CALB1: variants seen among roughly 807,000 people sequenced by gnomAD.
CALB1 encodes calbindin 1.
In CALB1, 16 loss-of-function variants were observed where a neutral mutation model predicts 46.7. That is an observed-to-expected ratio of 0.34 (90% confidence interval 0.23 to 0.52). CALB1 has a LOEUF of 0.52. CALB1 is among the 20% of genes least tolerant of loss of function. CALB1 has a pLI of 0.95. For missense variants in CALB1, 224 were observed against 300.3 expected, an observed-to-expected ratio of 0.75 and a Z score of 1.88; for synonymous variants, 90 against 112.8, an observed-to-expected ratio of 0.80 and a Z score of 1.28.
In CALB1 at chr8:90,082,620, G is replaced by C. The variant is rs1366832647; in HGVS notation, c.78C>G (p.Asp26Glu). ...CAGTTAAAAAGAGAAGATAATCACC[G>C]TCAGCGTCGAAATGGAGCCAGATCT... is the stretch of plus-strand genomic sequence containing the variant. ...FFEIWLHFDA[D>E]GSGYLEGKEL... The change falls in exon 1 of 11, where the codon GAC becomes GAG. Residue 26 changes from aspartate (D) to glutamate (E), a missense_variant and splice_region_variant. By Grantham distance (45) the Asp-to-Glu change is conservative. Transcript: ENST00000265431. 1.9e-6 allele frequency: 3 copies of C among 1,612,566 alleles called. No individual in the cohort carries two copies. The highest frequency in any genetic ancestry group is 1.3e-5 in the African/African-American group (1 of 74,876).
chr8:90,076,016 T>A (rs1445045168), intron 3 of CALB1, among the ~76,000 whole-genome samples: 3 of 152,090 alleles, frequency 2.0e-5, no homozygotes, highest in Non-Finnish European at 4.4e-5. Flanking sequence ...AAATAAGGAA[T>A]GTTGGCTAGT....
chr8:90,081,386 C>T, intron 2 of CALB1: 7 of 510,428 alleles, frequency 1.4e-5, no homozygotes, highest in Non-Finnish European at 1.8e-5. Context: ...AATTCTTTCT[C>T]ACTGTTAGGT....
chr8:90,082,069 T>C lies in CALB1; in HGVS notation c.113A>G (p.Asn38Ser), dbSNP rs370156784. ...CGCCTGCTGGAGCTCCTGGATCAAG[T>C]TCTGCAGCTCCTTTCCTTCCAGGTA... ...SGYLEGKELQ[N>S]LIQELQQARK... The change falls in exon 2 of 11, where the codon AAC (asparagine) becomes AGC (serine). Residue 38 changes from asparagine (N) to serine (S), a missense_variant. Physicochemically the swap from Asn to Ser is conservative, Grantham distance 46. Transcript: ENST00000265431. 6 of 1,613,944 alleles carry C rather than the reference T, an allele frequency of 3.7e-6. No individual in the cohort carries two copies. In the African/African-American group the frequency reaches 8.0e-5, roughly 22 times the overall value.
intron 5 of CALB1, among the ~76,000 whole-genome samples, chr8:90,067,278 A>T (rs1415548767): frequency 6.6e-6 from 1 of 152,136 alleles, no homozygotes; most frequent in Non-Finnish European, 1.5e-5. Flanking sequence ...AAGATCCATT[A>T]AAAAAGAATG....
chr8:90,061,435 G>T (rs1814295251), intron 9 of CALB1: 1 of 152,130 alleles, frequency 6.6e-6, no homozygotes, highest in South Asian at 2.1e-4. Flanking sequence ...AAAGAGAGAA[G>T]TTAAATTATC....
rs1814246185 is a variant in CALB1 at position 90,058,904 on chromosome 8, T to G, written c.*1269A>C. Reference sequence around the variant, plus strand: ...ACTGTAAATTTCACATGGACACATCTCTCATAGCTCCCTGTTTCACAATCA... The same window carrying G: ...ACTGTAAATTTCACATGGACACATCGCTCATAGCTCCCTGTTTCACAATCA... On this transcript the variant is annotated 3_prime_UTR_variant, in exon 11 of 11. Coordinates refer to ENST00000265431, the MANE Select transcript of CALB1 (RefSeq NM_004929.4). 1 of 152,210 alleles carries G rather than the reference T, an allele frequency of 6.6e-6. No individual in the cohort carries two copies. The allele number at this position is 152,210 out of a possible 1,614,324, so 9.4% of individuals were successfully genotyped here. A position where few individuals can be genotyped will look rare whatever the true frequency, so the allele number is the denominator to read the frequency against.
intron 3 of CALB1, among the ~76,000 whole-genome samples, chr8:90,071,148 G>A (rs1814508065): frequency 6.6e-6 from 1 of 152,102 alleles, no homozygotes; most frequent in African/African-American, 2.4e-5. Context: ...TAATAGAGTG[G>A]TTTGGTTGCT....
At chr8:90,070,025 A>G (rs549253631) in intron 3 of CALB1, among the ~76,000 whole-genome samples, 3 of 149,768 alleles carry the variant, frequency 2.0e-5, no homozygotes, top group Non-Finnish European at 3.0e-5. Context: ...TTTTATGACT[A>G]ATCTATTGCG....
chr8:90,073,248 G>T (rs147090321), intron 3 of CALB1, among the ~76,000 whole-genome samples: 53 of 152,254 alleles, frequency 3.5e-4, no homozygotes, highest in Admixed American at 1.0e-3. Context: ...AGGGGTTGGG[G>T]TGGACATTGT....
intron 2 of CALB1, 88 bp from the exon 3 acceptor site, chr8:90,078,535 A>G (rs1814662370): frequency 2.7e-6 from 2 of 736,772 alleles, no homozygotes; most frequent in Non-Finnish European, 4.6e-6. Flanking sequence ...GCAAAGAAAA[A>G]CCAAAATTAG....
rs2130211019 is a variant in CALB1, at chr8:90,059,076, T to A, written c.*1097A>T. On this transcript the variant is annotated 3_prime_UTR_variant, in exon 11 of 11. Transcript: ENST00000265431. ...ATAAGATAAATGATTACATTAGCAT[T>A]TCTTTTCAGATGTTATTTTTTTAAA... 6.6e-6 allele frequency: 1 copy of A among 152,392 alleles called. No individual in the cohort carries two copies. The highest frequency in any genetic ancestry group is 1.9e-4 in the East Asian group (1 of 5,188). The allele number at this position is 152,392 out of a possible 1,614,324, so 9.4% of individuals were successfully genotyped here.
chr8:90,064,632 GA>G (rs770804909), intron 6 of CALB1, among the ~76,000 whole-genome samples: 26 of 151,708 alleles, frequency 1.7e-4, no homozygotes, highest in Non-Finnish European at 2.5e-4. Flanking sequence ...GAACAAAATA[GA>G]AAATTGATAA....
chr8:90,060,141 G>A lies in CALB1; in HGVS notation c.*32C>T, dbSNP rs199662623. The A allele has an allele frequency of 1.3e-4, 151 of 1,199,788 alleles. No individual in the cohort carries two copies. The African/African-American group carries it at 1.9e-3, about 15-fold the overall frequency. 74.3% of individuals were successfully genotyped at this position (1,199,788 alleles called of 1,614,324 possible). A position where few individuals can be genotyped will look rare whatever the true frequency, so the allele number is the denominator to read the frequency against. Reference sequence around the variant, plus strand: ...TGCACAGTTATTTTTTAGATACAGTGTATCACTAGCAAGTGGTTGCGGCCA... The same window carrying A: ...TGCACAGTTATTTTTTAGATACAGTATATCACTAGCAAGTGGTTGCGGCCA... On this transcript the variant is annotated 3_prime_UTR_variant, in exon 11 of 11. Coordinates refer to ENST00000265431, the MANE Select transcript of CALB1 (RefSeq NM_004929.4).
chr8:90,077,764 A>G (rs1653374742), intron 3 of CALB1, among the ~76,000 whole-genome samples: 1 of 152,060 alleles, frequency 6.6e-6, no homozygotes, highest in African/African-American at 2.4e-5. Flanking sequence ...TGTGACACCC[A>G]CAGTTTTAAC....
chr8:90,060,499 T>C, intron 10 of CALB1, 130 bp downstream of exon 10: 1 of 808,036 alleles, frequency 1.2e-6, no homozygotes, highest in Non-Finnish European at 2.1e-6. Context: ...CCAAATTGAG[T>C]TAAGAATTGA....
Position 90,082,699 on chromosome 8 carries a change from G to A in CALB1, c.-2C>T, listed in dbSNP as rs1227698415. On this transcript the variant is annotated 5_prime_UTR_variant, in exon 1 of 11. Transcript: ENST00000265431. ...TGACTGCAGGTGGGATTCTGCCATTGTACAGCGGGGTGTGTGTCTGGGTGT... is the reference window on the plus strand; with the variant it reads ...TGACTGCAGGTGGGATTCTGCCATTATACAGCGGGGTGTGTGTCTGGGTGT... The A allele has an allele frequency of 3.1e-6, 5 of 1,613,720 alleles. No individual in the cohort carries two copies. In the African/African-American group the frequency reaches 6.7e-5, roughly 22 times the overall value.
At chr8:90,074,484 C>G (rs926944510) in intron 3 of CALB1, among the ~76,000 whole-genome samples, 6 of 152,248 alleles carry the variant, frequency 3.9e-5, no homozygotes, top group African/African-American at 1.4e-4. Context: ...TCATCACCCT[C>G]CATTAAAATC....
intron 6 of CALB1, among the ~76,000 whole-genome samples, chr8:90,065,068 G>A (rs1814367610): frequency 6.6e-6 from 1 of 151,734 alleles, no homozygotes; most frequent in South Asian, 2.1e-4. Flanking sequence ...GTAAATCCAT[G>A]GAGTAAGAAT....
chr8:90,073,217 A>G (rs1814565192), intron 3 of CALB1, among the ~76,000 whole-genome samples: 1 of 152,188 alleles, frequency 6.6e-6, no homozygotes, highest in Non-Finnish European at 1.5e-5. Context: ...AATTCCAATA[A>G]CTTATTACTG....
Sources: gnomAD v4.1 joint callset for allele counts (sites outside exome capture counted in the v4.1 genomes callset) on GRCh38, gnomAD v4.1.1 for gene constraint, MANE v1.5 for transcripts, NCBI Gene and HGNC (gene_info 2026-07-23, HGNC 2026-07-21) for gene names.